The following RAD51B variants were observed in gnomAD, a reference collection of about 807,000 sequenced individuals.
RAD51B encodes the protein RAD51 paralog B.
RAD51B carries 38 observed loss-of-function variants against 42.2 expected under a neutral mutation model. That is an observed-to-expected ratio of 0.90 (90% CI 0.70 to 1.18). The LOEUF (loss-of-function observed/expected upper bound fraction) is 1.18. Ranked by LOEUF, RAD51B falls within the 50% of genes most tolerant of loss-of-function variation. RAD51B has a pLI of 0.00. For synonymous variants in RAD51B, 154 were observed against 145.2 expected (o/e 1.06, Z -0.43); for missense variants, 373 against 400.7 (o/e 0.93, Z 0.59).
chr14:68,261,128 G>C (rs2080880209), intron 7 of RAD51B, among the ~76,000 whole-genome samples: 1 of 152,238 alleles, frequency 6.6e-6, no homozygotes, highest in Admixed American at 6.5e-5. Flanking sequence ...CCTCAAGGCT[G>C]TGTGCTGTGG....
At chr14:67,969,005 A>T (rs2074842008) in intron 7 of RAD51B, among the ~76,000 whole-genome samples, 1 of 152,174 alleles carries the variant, frequency 6.6e-6, no homozygotes, top group Non-Finnish European at 1.5e-5. Flanking sequence ...ACTTCTTACA[A>T]GGTGGTGGCA....
chr14:68,379,284 T>G (rs1223003804), intron 8 of RAD51B, among the ~76,000 whole-genome samples: 1 of 152,168 alleles, frequency 6.6e-6, no homozygotes, highest in Non-Finnish European at 1.5e-5. Context: ...TAATTAAAAT[T>G]TATATATTGG....
chr14:67,992,931 T>A (rs2075320075), intron 7 of RAD51B, among the ~76,000 whole-genome samples: 1 of 152,174 alleles, frequency 6.6e-6, no homozygotes, highest in African/African-American at 2.4e-5. Context: ...CATTCATTAA[T>A]TTATAAATAT....
chr14:67,884,952 A>G (rs2043019674), intron 5 of RAD51B, among the ~76,000 whole-genome samples: 1 of 152,162 alleles, frequency 6.6e-6, no homozygotes, highest in South Asian at 2.1e-4. Context: ...AACTCTAACT[A>G]TTTAGAAATG....
chr14:68,309,958 G>A (rs763471299), intron 8 of RAD51B, among the ~76,000 whole-genome samples: 1 of 152,186 alleles, frequency 6.6e-6, no homozygotes, highest in African/African-American at 2.4e-5. Context: ...TACTAGGATG[G>A]CACATGTAAA....
At chr14:68,583,710 C>A (rs1451135869) in intron 10 of RAD51B, among the ~76,000 whole-genome samples, 3 of 152,196 alleles carry the variant, frequency 2.0e-5, no homozygotes, top group Non-Finnish European at 4.4e-5. Context: ...CCTCAAGCCA[C>A]CCCTGGTCAC....
At chr14:68,219,201 T>C (rs983784659) in intron 7 of RAD51B, among the ~76,000 whole-genome samples, 7 of 152,244 alleles carry the variant, frequency 4.6e-5, no homozygotes, top group South Asian at 2.1e-4. Context: ...TTTTCTCCCA[T>C]GAGGATGCAC....
At position 68,211,442 on chromosome 14, in the gene RAD51B, T is replaced by A. The variant is rs1049664702; in HGVS notation, c.757-80442T>A. Among the ~76,000 whole-genome samples the A allele has an allele frequency of 2.6e-5, 4 of 152,148 alleles. No individual in the cohort carries two copies. The South Asian group carries it at 8.3e-4, about 31-fold the overall frequency. On this transcript the variant is annotated intron_variant, in intron 7 of 10. Transcript: ENST00000471583. ...TCACTATTGTAGCACCTCTTTTGTGTTGCCAACTGAATATGGTATACATGG... is the reference window on the plus strand; with the variant it reads ...TCACTATTGTAGCACCTCTTTTGTGATGCCAACTGAATATGGTATACATGG...
At chr14:67,854,371 C>T (rs562133094) in intron 4 of RAD51B, among the ~76,000 whole-genome samples, 2 of 152,266 alleles carry the variant, frequency 1.3e-5, no homozygotes, top group East Asian at 3.9e-4. Flanking sequence ...CAGTGGCTCA[C>T]GCCTGTAATC....
In RAD51B at chr14:68,553,925, T is replaced by C. The variant is rs187709643; in HGVS notation, c.1037-40560T>C. Among the ~76,000 whole-genome samples, 477 of 152,320 alleles carry C rather than the reference T, an allele frequency of 3.1e-3. 4 individuals carry two copies. The highest frequency in any genetic ancestry group is 0.011 in the African/African-American group (448 of 41,564). Reference sequence around the variant, plus strand: ...TGAGCTTTGTCTACTAAAATGGCTTTACAGACCCAACATGAGCTGGACATA... The same window carrying C: ...TGAGCTTTGTCTACTAAAATGGCTTCACAGACCCAACATGAGCTGGACATA... On this transcript the variant is annotated intron_variant, in intron 10 of 10. Transcript: ENST00000487270.
At chr14:68,016,503 T>G (rs1376665633) in intron 7 of RAD51B, among the ~76,000 whole-genome samples, 1 of 152,232 alleles carries the variant, frequency 6.6e-6, no homozygotes, top group Non-Finnish European at 1.5e-5. Flanking sequence ...TGAGGTGTTT[T>G]GAGTATTTAT....
At chr14:68,290,407 T>C (rs1006784042) in intron 7 of RAD51B, among the ~76,000 whole-genome samples, 2 of 152,242 alleles carry the variant, frequency 1.3e-5, no homozygotes, top group Non-Finnish European at 2.9e-5. Flanking sequence ...GTATTTATTC[T>C]TCCTCTAGGC....
chr14:67,835,273 C>A, intron 4 of RAD51B, 77 bp downstream of exon 4: 1 of 1,048,776 alleles, frequency 9.5e-7, no homozygotes, highest in Non-Finnish European at 1.5e-6. Flanking sequence ...AGTTAAAAAA[C>A]ATAAATTATT....
chr14:68,435,908 A>T (rs1413508570), intron 9 of RAD51B, among the ~76,000 whole-genome samples: 1 of 152,014 alleles, frequency 6.6e-6, no homozygotes, highest in South Asian at 2.1e-4. Flanking sequence ...TAAGTTCCTT[A>T]TAGATTCTGG....
chr14:68,534,374 A>T (rs1362135177), intron 10 of RAD51B, among the ~76,000 whole-genome samples: 2 of 152,236 alleles, frequency 1.3e-5, no homozygotes, highest in Non-Finnish European at 2.9e-5. Context: ...TAGGTTATTG[A>T]TGACAGCAAT....
Position 67,995,671 on chromosome 14 carries a change from G to A in RAD51B, c.756+108467G>A, listed in dbSNP as rs537599541. On this transcript the variant is annotated intron_variant, in intron 7 of 10. Coordinates refer to ENST00000471583, the MANE Select transcript of RAD51B (RefSeq NM_133510.4). ...CTCTGTCACCCAGGCTGGATGGAGTGCAGTGGCGCAATCTCAGCTCACTGC... is the reference window on the plus strand; with the variant it reads ...CTCTGTCACCCAGGCTGGATGGAGTACAGTGGCGCAATCTCAGCTCACTGC... Among the ~76,000 whole-genome samples the A allele has an allele frequency of 3.3e-5, 5 of 150,080 alleles. No homozygotes were observed. In the South Asian group the frequency reaches 6.3e-4, roughly 19 times the overall value.
intron 7 of RAD51B, among the ~76,000 whole-genome samples, chr14:68,276,667 G>C (rs1270612857): frequency 1.3e-5 from 2 of 152,180 alleles, no homozygotes; most frequent in African/African-American, 4.8e-5. Context: ...TGGAACTGGA[G>C]TGAGAAGAAC....
At chr14:68,070,799 T>G (rs1258812371) in intron 7 of RAD51B, among the ~76,000 whole-genome samples, 1 of 152,110 alleles carries the variant, frequency 6.6e-6, no homozygotes, top group African/African-American at 2.4e-5. Flanking sequence ...GTGCTTTTTT[T>G]TTTTTCTAAT....
At chr14:67,820,560 C>A (rs907558951) in intron 1 of RAD51B, among the ~76,000 whole-genome samples, 2 of 151,986 alleles carry the variant, frequency 1.3e-5, no homozygotes, top group Non-Finnish European at 2.9e-5. Context: ...AATTTACGTG[C>A]TCCGGTGGGG....
Sources: allele counts gnomAD v4.1 joint callset (sites outside exome capture counted in the v4.1 genomes callset), GRCh38; gene constraint gnomAD v4.1.1; transcripts MANE v1.5; gene names NCBI Gene and HGNC (gene_info 2026-07-23, HGNC 2026-07-21).